The following FARP1 variants were observed in gnomAD, a reference collection of about 807,000 sequenced individuals.
The protein encoded by FARP1 is FERM, ARH/RhoGEF and pleckstrin domain protein 1.
In FARP1, 52 loss-of-function variants were observed where a neutral mutation model predicts 128.8. The ratio of observed to expected loss-of-function variants is 0.40; its 90% CI spans 0.32 to 0.51. The LOEUF (loss-of-function observed/expected upper bound fraction) is 0.51, where lower values mean the gene tolerates loss of function less well. Among genes scored for constraint, FARP1 ranks in the 20% least tolerant of loss-of-function variants. The pLI, the probability that FARP1 is intolerant of heterozygous loss-of-function variation, is 0.45. For missense variants in FARP1, 1,333 were observed against 1,367.9 expected, an observed-to-expected ratio of 0.97 and a Z score of 0.40; for synonymous variants, 580 against 551.8, an observed-to-expected ratio of 1.05 and a Z score of -0.72.
At chr13:98,447,853 A>G (rs1232781714) in intron 26 of FARP1, 9 of 211,156 alleles carry the variant, frequency 4.3e-5, no homozygotes, top group Non-Finnish European at 8.5e-5. Flanking sequence ...TCAAAAAAAA[A>G]AGAAAAAGAA....
rs2140056390 is a variant in FARP1, at chr13:98,390,570, G to GTT, written c.1020-241_1020-240dup. ...GATGGTTGCTTAGTAACCAAACACA[G>GTT]TTATCAAGTGGGCTTAGTTAATTGA... On this transcript the variant is annotated intron_variant, in intron 10 of 26. Coordinates refer to ENST00000319562, the MANE Select transcript of FARP1 (RefSeq NM_005766.4). 6.1e-6 allele frequency: 3 copies of GTT among 493,954 alleles called. No homozygotes were observed. In the South Asian group the frequency reaches 1.0e-4, roughly 17 times the overall value. The allele number at this position is 493,954 out of a possible 1,614,324, so 30.6% of individuals were successfully genotyped here. A position where few individuals can be genotyped will look rare whatever the true frequency, so the allele number is the denominator to read the frequency against.
chr13:98,186,743 G>T (rs1878899758), intron 1 of FARP1, among the ~76,000 whole-genome samples: 1 of 151,996 alleles, frequency 6.6e-6, no homozygotes, highest in African/African-American at 2.4e-5. Flanking sequence ...TGTAATCCCA[G>T]CACTTTGGGA....
At chr13:98,318,950 G>GTTTTTTTTTTTTTTTTTTTTTTT (rs56166470) in intron 2 of FARP1, among the ~76,000 whole-genome samples, 5 of 120,682 alleles carry the variant, frequency 4.1e-5, no homozygotes, top group African/African-American at 9.6e-5. Context: ...GTTTTTTCTT[G>GTTTTTTTTTTTTTTTTTTTTTTT]TTTTTTTTTT....
At chr13:98,260,296 G>A (rs189085262) in intron 2 of FARP1, among the ~76,000 whole-genome samples, 234 of 152,326 alleles carry the variant, frequency 1.5e-3, no homozygotes, top group African/African-American at 5.5e-3. Context: ...TGACTGTAAA[G>A]TCTGTCTTAT....
chr13:98,155,831 C>T (rs73564671), intron 1 of FARP1, among the ~76,000 whole-genome samples: 3,132 of 152,244 alleles, frequency 0.021, 93 homozygotes, highest in African/African-American at 0.07. Context: ...GCTGTGGCTG[C>T]TTGCCAGCCA....
Position 98,143,174 on chromosome 13 carries a change from G to C in FARP1, c.-342G>C, listed in dbSNP as rs1255494921. 1 of 147,814 alleles carries C rather than the reference G, an allele frequency of 6.8e-6. No homozygotes were observed. The highest frequency in any genetic ancestry group is 1.5e-5 in the Non-Finnish European group (1 of 66,344). 9.2% of individuals were successfully genotyped at this position (147,814 alleles called of 1,614,324 possible). The stretch of plus-strand genomic sequence containing the variant: ...CGGGCGCTCGGCTGGGGCGCGGGGC[G>C]GGGACGCGGCCGCTGCCCGCTTTGC... On this transcript the variant is annotated 5_prime_UTR_variant, in exon 1 of 27. Coordinates refer to ENST00000319562, the MANE Select transcript of FARP1 (RefSeq NM_005766.4).
chr13:98,236,886 G>A (rs1490928507), intron 2 of FARP1, among the ~76,000 whole-genome samples: 3 of 152,138 alleles, frequency 2.0e-5, no homozygotes, highest in East Asian at 1.9e-4. Context: ...CAGCTACTCC[G>A]GAGGCTGAGG....
chr13:98,258,745 C>G (rs1291102796), intron 2 of FARP1, among the ~76,000 whole-genome samples: 1 of 152,014 alleles, frequency 6.6e-6, no homozygotes, highest in East Asian at 1.9e-4. Context: ...GAGGCTCTTT[C>G]ATCCTCTGCC....
intron 5 of FARP1, among the ~76,000 whole-genome samples, chr13:98,370,246 C>T (rs1049052330): frequency 1.3e-5 from 2 of 152,168 alleles, no homozygotes; most frequent in Admixed American, 1.3e-4. Flanking sequence ...CGGGAATCAG[C>T]TCCAAGCATT....
intron 24 of FARP1, chr13:98,445,539 T>G (rs1436439872): frequency 6.6e-6 from 1 of 152,366 alleles, no homozygotes; most frequent in Non-Finnish European, 1.5e-5. Context: ...GCCACTCACA[T>G]GCACCCCAGG....
intron 1 of FARP1, among the ~76,000 whole-genome samples, chr13:98,148,566 C>G (rs1875746534): frequency 6.6e-6 from 1 of 152,210 alleles, no homozygotes; most frequent in African/African-American, 2.4e-5. Context: ...ATTTAATGTG[C>G]TCACCATTCC....
At position 98,148,569 on chromosome 13, in the gene FARP1, A is replaced by C. The variant is rs534971707; in HGVS notation, c.-24+5077A>C. On this transcript the variant is annotated intron_variant, in intron 1 of 26. Transcript: ENST00000319562. ...ACTTGTCTGTAAATTTAATGTGCTCACCATTCCTTTTTGTACTTTGAAGCT... is the reference window on the plus strand; with the variant it reads ...ACTTGTCTGTAAATTTAATGTGCTCCCCATTCCTTTTTGTACTTTGAAGCT... Among the ~76,000 whole-genome samples, 12 of 152,284 alleles carry C rather than the reference A, an allele frequency of 7.9e-5. No homozygotes were observed. The East Asian group carries it at 2.1e-3, about 27-fold the overall frequency.
intron 2 of FARP1, among the ~76,000 whole-genome samples, chr13:98,265,611 G>A (rs1467682267): frequency 6.6e-6 from 1 of 152,050 alleles, no homozygotes; most frequent in African/African-American, 2.4e-5. Context: ...GAGCCACCGC[G>A]CCCAGCCCTT....
chr13:98,255,997 C>G (rs1206261682), intron 2 of FARP1, among the ~76,000 whole-genome samples: 5 of 152,208 alleles, frequency 3.3e-5, no homozygotes, highest in Admixed American at 6.5e-5. Flanking sequence ...AAGCAACAAC[C>G]CTTCTGGTGG....
chr13:98,257,351 G>C (rs199585715), intron 2 of FARP1, among the ~76,000 whole-genome samples: 2 of 152,128 alleles, frequency 1.3e-5, no homozygotes, highest in Non-Finnish European at 2.9e-5. Flanking sequence ...CTTTCTCACT[G>C]ACACGTCTAA....
At chr13:98,417,077 A>G (rs1442942616) in intron 16 of FARP1, among the ~76,000 whole-genome samples, 2 of 152,154 alleles carry the variant, frequency 1.3e-5, no homozygotes, top group Non-Finnish European at 2.9e-5. Flanking sequence ...GGCCACCTAG[A>G]GTTTTGAACA....
chr13:98,340,916 AC>A (rs1488217734), intron 2 of FARP1: 4 of 152,246 alleles, frequency 2.6e-5, no homozygotes, highest in Admixed American at 1.3e-4. Flanking sequence ...TGCTCTCCTG[AC>A]CCATTTCCTC....
chr13:98,437,736 T>C, intron 19 of FARP1: 1 of 1,097,134 alleles, frequency 9.1e-7, no homozygotes, highest in Non-Finnish European at 1.4e-6. Flanking sequence ...TTCTCCGCTT[T>C]GTCTTTTTGC....
chr13:98,283,587 T>C (rs1885036098), intron 2 of FARP1, among the ~76,000 whole-genome samples: 1 of 152,184 alleles, frequency 6.6e-6, no homozygotes, highest in African/African-American at 2.4e-5. Context: ...CTTTGGATAA[T>C]AAACCTTCCG....
Sources: gnomAD v4.1 joint callset for allele counts (sites outside exome capture counted in the v4.1 genomes callset) on GRCh38, gnomAD v4.1.1 for gene constraint, MANE v1.5 for transcripts, NCBI Gene and HGNC (gene_info 2026-07-23, HGNC 2026-07-21) for gene names.